Variants in RHD observed in about 807,000 individuals in gnomAD.
The protein encoded by RHD is Rh blood group D antigen.
RHD carries 16 observed loss-of-function variants against 45.5 expected under a neutral mutation model. The ratio of observed to expected loss-of-function variants is 0.35; its 90% CI spans 0.24 to 0.53. The LOEUF (loss-of-function observed/expected upper bound fraction) is 0.53, where lower values mean the gene tolerates loss of function less well. RHD is among the 20% of genes least tolerant of loss of function. The pLI, the probability that RHD is intolerant of heterozygous loss-of-function variation, is 0.92. For synonymous variants in RHD, 131 were observed against 217.5 expected (o/e 0.60, Z 3.50); for missense variants, 306 against 532.0 (o/e 0.58, Z 4.18).
intron 8 of RHD, among the ~76,000 whole-genome samples, chr1:25,320,442 T>G (rs3927482): frequency 0.22 from 29,109 of 130,858 alleles, 8,113 homozygotes; most frequent in Admixed American, 0.29. Context: ...TCTGGAAAAT[T>G]CATGCAGGCG....
Position 25,293,608 on chromosome 1 carries a change from T to C in RHD, c.486+2817T>C, listed in dbSNP as rs2904839. Among the ~76,000 whole-genome samples the C allele has an allele frequency of 1.5e-5, 2 of 131,260 alleles. 1 individual carries two copies. The highest frequency in any genetic ancestry group is 5.2e-5 in the African/African-American group (2 of 38,436). The allele number at this position is 131,260 out of a possible 152,430, so 86.1% of individuals were successfully genotyped here. ...TCTTCAGAAGCACTCCAAGCGTTTC[T>C]TCCTAGGATTTAGAAATTTATAATA... On this transcript the variant is annotated intron_variant, in intron 3 of 9. Transcript: ENST00000328664.
intron 6 of RHD, 122 bp from the exon 7 acceptor site, chr1:25,306,474 T>C (rs1249410330): frequency 7.3e-6 from 7 of 961,090 alleles, no homozygotes; most frequent in African/African-American, 3.2e-5. Flanking sequence ...AAGGGCTTCT[T>C]TGAGGTGAGC....
At chr1:25,312,806 G>C (rs1357084209) in intron 7 of RHD, among the ~76,000 whole-genome samples, 1 of 118,920 alleles carries the variant, frequency 8.4e-6, no homozygotes, top group South Asian at 2.6e-4. Flanking sequence ...TGTAGTCCTA[G>C]CTACTCAGGA....
chr1:25,315,849 T>C (rs147915705), intron 7 of RHD, among the ~76,000 whole-genome samples: 1,695 of 131,194 alleles, frequency 0.013, 253 homozygotes, highest in African/African-American at 0.042. Context: ...TCCACTCTCC[T>C]ATGATCTTAT....
Position 25,301,121 on chromosome 1 carries a change from C to T in RHD, c.634+28C>T, listed in dbSNP as rs754911809. On this transcript the variant is annotated intron_variant, in intron 4 of 9. Coordinates refer to ENST00000328664, the MANE Select transcript of RHD (RefSeq NM_016124.6). Reference sequence around the variant, plus strand: ...AAGGACAAGGTGGGGTGAGTGGTCTCCTACTTGGGCTGAGCAGAATGGCTC... The same window carrying T: ...AAGGACAAGGTGGGGTGAGTGGTCTTCTACTTGGGCTGAGCAGAATGGCTC... 7.3e-6 allele frequency: 10 copies of T among 1,371,364 alleles called. 3 individuals are homozygous for T. The highest frequency in any genetic ancestry group is 3.1e-6 in the Non-Finnish European group (3 of 974,774). The allele number at this position is 1,371,364 out of a possible 1,614,324, so 84.9% of individuals were successfully genotyped here. A position where few individuals can be genotyped will look rare whatever the true frequency, so the allele number is the denominator to read the frequency against.
In RHD at chr1:25,276,532, T is replaced by TA. The variant is rs557746335; in HGVS notation, c.148+3860dup. On this transcript the variant is annotated intron_variant, in intron 1 of 9. Coordinates refer to ENST00000328664, the MANE Select transcript of RHD (RefSeq NM_016124.6). ...ACATAGGGAGACCCCCCCCCATCTC[T>TA]AAAAAAAAAAAAAAAAAAAAAAACT... Among the ~76,000 whole-genome samples the TA allele has an allele frequency of 3.9e-3, 252 of 64,774 alleles. 19 individuals are homozygous for TA. Among genetic ancestry groups the TA allele is most frequent in the African/African-American group, 0.017 (239 of 13,858 alleles). The allele number at this position is 64,774 out of a possible 152,430, so 42.5% of individuals were successfully genotyped here. A position where few individuals can be genotyped will look rare whatever the true frequency, so the allele number is the denominator to read the frequency against.
intron 1 of RHD, among the ~76,000 whole-genome samples, chr1:25,274,371 G>T (rs1241528595): frequency 2.3e-5 from 3 of 132,444 alleles, no homozygotes; most frequent in Non-Finnish European, 3.6e-5. Context: ...TTGAGTCTTT[G>T]TCATATAACC....
intron 2 of RHD, among the ~76,000 whole-genome samples, chr1:25,287,311 C>T (rs1187295252): frequency 7.5e-6 from 1 of 134,000 alleles, no homozygotes; most frequent in East Asian, 1.9e-4. Context: ...GGGCTGCTCC[C>T]CTCATCTGAT....
rs558745561 is a variant in RHD at position 25,297,964 on chromosome 1, T to C, written c.487-2982T>C. On this transcript the variant is annotated intron_variant, in intron 3 of 9. Coordinates refer to ENST00000328664, the MANE Select transcript of RHD (RefSeq NM_016124.6). ...GTCTGTGCTCTCCATCTTTTGGCTC[T>C]TATTCTCTCCGTACATCTAACATCT... Among the ~76,000 whole-genome samples the C allele has an allele frequency of 1.1e-3, 140 of 131,488 alleles. 25 individuals are homozygous for C. The highest frequency in any genetic ancestry group is 3.4e-3 in the African/African-American group (132 of 38,332). The allele number at this position is 131,488 out of a possible 152,430, so 86.3% of individuals were successfully genotyped here.
chr1:25,310,450 TC>T (rs1397006793), intron 7 of RHD, among the ~76,000 whole-genome samples: 1 of 132,266 alleles, frequency 7.6e-6, no homozygotes, highest in Non-Finnish European at 1.8e-5. Context: ...CTTTTGGACT[TC>T]CCAGCCTCTA....
At position 25,272,627 on chromosome 1, in the gene RHD, T is replaced by C; in HGVS notation, c.80T>C (p.Leu27Pro). 1 of 1,575,648 alleles carries C rather than the reference T, an allele frequency of 6.3e-7. No individual in the cohort carries two copies. ...ACACTGGAAGCAGCTCTCATTCTCC[T>C]CTTCTATTTTTTTACCCACTATGAC... ...ALTLEAALILLFYFFTHYDAS... is the reference protein window; with the variant it reads ...ALTLEAALILPFYFFTHYDAS... Residue 27 changes from leucine (L) to proline (P), a missense_variant, in exon 1 of 10, where the codon CTC becomes CCC. By Grantham distance (98) the Leu-to-Pro change is moderately conservative (BLOSUM62 -3). Transcript: ENST00000328664.
Position 25,321,891 on chromosome 1 carries a change from T to A in RHD, c.1156T>A (p.Leu386Met). ...IALMSGLLTG[L>M]LLNLKIWKAP... The stretch of plus-strand genomic sequence containing the variant: ...CATTAAATTATGCATTTAAACAGGT[T>A]TGCTCCTAAATCTTAAAATATGGAA... The change falls in exon 9 of 10, where the codon TTG becomes ATG. Residue 386 changes from leucine to methionine, a missense_variant and splice_region_variant. Leu to Met is a conservative substitution (Grantham distance 15, BLOSUM62 2). Coordinates refer to ENST00000328664, the MANE Select transcript of RHD (RefSeq NM_016124.6). 7.9e-7 allele frequency: 1 copy of A among 1,269,410 alleles called. No homozygotes were observed. The highest frequency in any genetic ancestry group is 1.2e-5 in the South Asian group (1 of 82,818). The allele number at this position is 1,269,410 out of a possible 1,614,324, so 78.6% of individuals were successfully genotyped here.
At position 25,309,320 on chromosome 1, in the gene RHD, G is replaced by A. The variant is rs1317071825; in HGVS notation, c.1073+2591G>A. On this transcript the variant is annotated intron_variant, in intron 7 of 9. Transcript: ENST00000328664. Reference sequence around the variant, plus strand: ...TTTCAATTCTCAGTCCTTTGATTACGTCAGGGAGAAAAGAAAGTCCCCACT... The same window carrying A: ...TTTCAATTCTCAGTCCTTTGATTACATCAGGGAGAAAAGAAAGTCCCCACT... Among the ~76,000 whole-genome samples the A allele has an allele frequency of 2.3e-4, 30 of 130,818 alleles. 6 individuals carry two copies. Among genetic ancestry groups the A allele is most frequent in the African/African-American group, 5.8e-4 (22 of 37,614 alleles). The allele number at this position is 130,818 out of a possible 152,430, so 85.8% of individuals were successfully genotyped here. A position where few individuals can be genotyped will look rare whatever the true frequency, so the allele number is the denominator to read the frequency against.
Position 25,311,914 on chromosome 1 carries a change from A to G in RHD, c.1074-5086A>G, listed in dbSNP as rs191399519. ...CTACATTTCAAAGGGTGCTGTGAAC[A>G]GCCACCCCAGAGAGCCCCTAGTAGA... On this transcript the variant is annotated intron_variant, in intron 7 of 9. Coordinates refer to ENST00000328664, the MANE Select transcript of RHD (RefSeq NM_016124.6). Among the ~76,000 whole-genome samples, 27 of 130,412 alleles carry G rather than the reference A, an allele frequency of 2.1e-4. 1 individual carries two copies. The highest frequency in any genetic ancestry group is 9.8e-4 in the East Asian group (5 of 5,120). 85.6% of individuals were successfully genotyped at this position (130,412 alleles called of 152,430 possible). A position where few individuals can be genotyped will look rare whatever the true frequency, so the allele number is the denominator to read the frequency against.
In RHD at chr1:25,319,238, T is replaced by C. The variant is rs1210220169; in HGVS notation, c.1153+2159T>C. ...TCTTCACTGGAGTCAAAAAAGAGAA[T>C]AGAGGAAAAGACAATCATATTGTTC... is the stretch of plus-strand genomic sequence containing the variant. On this transcript the variant is annotated intron_variant, in intron 8 of 9. Coordinates refer to ENST00000328664, the MANE Select transcript of RHD (RefSeq NM_016124.6). 3.0e-5 allele frequency among the ~76,000 whole-genome samples: 4 copies of C among 132,260 alleles called. 1 individual carries two copies. The highest frequency in any genetic ancestry group is 5.4e-5 in the Non-Finnish European group (3 of 55,928). 86.8% of individuals were successfully genotyped at this position (132,260 alleles called of 152,430 possible).
At position 25,278,366 on chromosome 1, in the gene RHD, G is replaced by A. The variant is rs1278590372; in HGVS notation, c.148+5671G>A. Reference sequence around the variant, plus strand: ...ATGATATGCTTAGGGGAAGCAGAGAGTATCAATTACCTATTGCTGCATAAC... The same window carrying A: ...ATGATATGCTTAGGGGAAGCAGAGAATATCAATTACCTATTGCTGCATAAC... On this transcript the variant is annotated intron_variant, in intron 1 of 9. Coordinates refer to ENST00000328664, the MANE Select transcript of RHD (RefSeq NM_016124.6). 3.8e-5 allele frequency among the ~76,000 whole-genome samples: 5 copies of A among 130,352 alleles called. 1 individual carries two copies. Among genetic ancestry groups the A allele is most frequent in the Admixed American group, 3.0e-4 (4 of 13,330 alleles). 85.5% of individuals were successfully genotyped at this position (130,352 alleles called of 152,430 possible).
rs1417837517 is a variant in RHD, at chr1:25,313,550, G to A, written c.1074-3450G>A. 1.5e-5 allele frequency among the ~76,000 whole-genome samples: 2 copies of A among 131,920 alleles called. 1 individual carries two copies. The highest frequency in any genetic ancestry group is 1.5e-4 in the Admixed American group (2 of 13,466). The allele number at this position is 131,920 out of a possible 152,430, so 86.5% of individuals were successfully genotyped here. ...TGGGTCTTAATTTATAAAGGTGACT[G>A]AGTGGCATTTTCTTCCAGTATTATT... On this transcript the variant is annotated intron_variant, in intron 7 of 9. Coordinates refer to ENST00000328664, the MANE Select transcript of RHD (RefSeq NM_016124.6).
At position 25,294,088 on chromosome 1, in the gene RHD, A is replaced by G. The variant is rs1467616726; in HGVS notation, c.486+3297A>G. On this transcript the variant is annotated intron_variant, in intron 3 of 9. Transcript: ENST00000328664. Reference sequence around the variant, plus strand: ...TGGGCTTATCTGTTATTTCTTCCTTATTGTGAGCTTAATGGCATGACAAAG... The same window carrying G: ...TGGGCTTATCTGTTATTTCTTCCTTGTTGTGAGCTTAATGGCATGACAAAG... The G allele has an allele frequency of 2.8e-5, 19 of 670,594 alleles. 2 individuals carry two copies. The African/African-American group carries it at 3.3e-4, about 12-fold the overall frequency. The allele number at this position is 670,594 out of a possible 1,614,324, so 41.5% of individuals were successfully genotyped here. A position where few individuals can be genotyped will look rare whatever the true frequency, so the allele number is the denominator to read the frequency against.
In RHD at chr1:25,293,354, T is replaced by TC. The variant is rs1331842798; in HGVS notation, c.486+2563_486+2564insC. 6.9e-5 allele frequency among the ~76,000 whole-genome samples: 9 copies of TC among 130,768 alleles called. 2 individuals are homozygous for TC. 85.8% of individuals were successfully genotyped at this position (130,768 alleles called of 152,430 possible). ...GCCGATGCAGGGACAGTTCATCTTT[T>TC]TTTTTTTTTTATACAACATTTTATT... is the stretch of plus-strand genomic sequence containing the variant. On this transcript the variant is annotated intron_variant, in intron 3 of 9. Coordinates refer to ENST00000328664, the MANE Select transcript of RHD (RefSeq NM_016124.6).
Sources: allele counts gnomAD v4.1 joint callset (sites outside exome capture counted in the v4.1 genomes callset), GRCh38; gene constraint gnomAD v4.1.1; transcripts MANE v1.5; gene names NCBI Gene and HGNC (gene_info 2026-07-23, HGNC 2026-07-21).